SSX2IP: variants seen among roughly 807,000 people sequenced by gnomAD.
SSX2IP encodes afadin- and alpha-actinin-binding protein.
In SSX2IP, 55 loss-of-function variants were observed where a neutral mutation model predicts 84.9. That is an observed-to-expected ratio of 0.65 (90% CI 0.52 to 0.81). SSX2IP has a LOEUF of 0.81. SSX2IP is among the 30% of genes least tolerant of loss of function. The probability of loss-of-function intolerance (pLI) is 0.00; values close to 1 mark genes in which losing one functional copy is unlikely to be tolerated. For synonymous variants in SSX2IP, 239 were observed against 234.7 expected (o/e 1.02, Z -0.17); for missense variants, 664 against 705.2 (o/e 0.94, Z 0.66).
intron 11 of SSX2IP, chr1:84,655,209 C>T (rs1650900707): frequency 2.1e-6 from 1 of 483,230 alleles, no homozygotes; most frequent in East Asian, 1.3e-4. Context: ...GAATTTCCAA[C>T]AGATACTTTT....
intron 8 of SSX2IP, among the ~76,000 whole-genome samples, chr1:84,660,575 G>A (rs1395230539): frequency 6.6e-6 from 1 of 152,150 alleles, no homozygotes; most frequent in Non-Finnish European, 1.5e-5. Context: ...AGACCAGCCT[G>A]ACCAACATGG....
Position 84,669,903 on chromosome 1 carries a change from G to A in SSX2IP, c.214-10C>T, listed in dbSNP as rs566846800. 1.9e-5 allele frequency: 31 copies of A among 1,606,938 alleles called. No individual in the cohort carries two copies. The African/African-American group carries it at 2.5e-4, about 13-fold the overall frequency. On this transcript the variant is annotated splice_polypyrimidine_tract_variant and intron_variant, in intron 3 of 13. Coordinates refer to ENST00000342203, the MANE Select transcript of SSX2IP (RefSeq NM_001166293.2). ...CAAAAGTAGTCAATTCCTGGTAGGAGAAAATGTTTTCTTAAAGTTGGTTAC... is the reference window on the plus strand; with the variant it reads ...CAAAAGTAGTCAATTCCTGGTAGGAAAAAATGTTTTCTTAAAGTTGGTTAC...
chr1:84,674,632 T>G (rs1450522760), intron 1 of SSX2IP, among the ~76,000 whole-genome samples: 1 of 152,202 alleles, frequency 6.6e-6, no homozygotes, highest in African/African-American at 2.4e-5. Context: ...TTTAAAACTG[T>G]AAGTCAGTTA....
chr1:84,650,614 G>A (rs1650087141), intron 12 of SSX2IP, 87 bp from the exon 13 acceptor site: 1 of 1,396,572 alleles, frequency 7.2e-7, no homozygotes. Flanking sequence ...TGATTCATCT[G>A]CGGTTCTGAG....
At position 84,647,425 on chromosome 1, in the gene SSX2IP, C is replaced by A; in HGVS notation, c.*8G>T. ...ACACATTAATGAAAAAAATTCCAGT[C>A]CACATGTCTAAGGTAAGTCATCTTT... On this transcript the variant is annotated 3_prime_UTR_variant, in exon 14 of 14. Coordinates refer to ENST00000342203, the MANE Select transcript of SSX2IP (RefSeq NM_001166293.2). 1 of 1,564,546 alleles carries A rather than the reference C, an allele frequency of 6.4e-7. No individual in the cohort carries two copies. Among genetic ancestry groups the A allele is most frequent in the Non-Finnish European group, 8.7e-7 (1 of 1,154,770 alleles).
intron 13 of SSX2IP, among the ~76,000 whole-genome samples, chr1:84,648,609 A>G (rs1649779357): frequency 6.6e-6 from 1 of 152,210 alleles, no homozygotes; most frequent in Non-Finnish European, 1.5e-5. Context: ...CTAAATATTT[A>G]AAATATATAA....
chr1:84,685,052 C>G (rs1007705556), intron 1 of SSX2IP, among the ~76,000 whole-genome samples: 1 of 152,134 alleles, frequency 6.6e-6, no homozygotes, highest in Admixed American at 6.5e-5. Context: ...ACCAATTAAA[C>G]AAACGTGTCA....
At chr1:84,655,565 A>G (rs1375257725) in intron 11 of SSX2IP, 1 of 1,405,956 alleles carries the variant, frequency 7.1e-7, no homozygotes, top group Non-Finnish European at 9.4e-7. Flanking sequence ...TCTTGTGTAA[A>G]ACACTTAGCA....
Position 84,658,983 on chromosome 1 carries a change from T to G in SSX2IP, c.928-515A>C, listed in dbSNP as rs185096204. ...TTTTATATAACGGGAGATACTTTTC[T>G]TTGTATTCTGCCAAACATGAAATCA... is the stretch of plus-strand genomic sequence containing the variant. On this transcript the variant is annotated intron_variant, in intron 8 of 13. Transcript: ENST00000342203. 7.6e-3 allele frequency among the ~76,000 whole-genome samples: 502 copies of G among 66,144 alleles called. 7 individuals carry two copies. Among genetic ancestry groups the G allele is most frequent in the Non-Finnish European group, 0.013 (314 of 24,878 alleles). The allele number at this position is 66,144 out of a possible 152,430, so 43.4% of individuals were successfully genotyped here.
At chr1:84,668,721 C>T (rs1653098639) in intron 4 of SSX2IP, among the ~76,000 whole-genome samples, 1 of 152,064 alleles carries the variant, frequency 6.6e-6, no homozygotes, top group South Asian at 2.1e-4. Flanking sequence ...ATTATTCCCT[C>T]ACAGAGCTCA....
At chr1:84,649,459 TCTC>T (rs1050139309) in intron 13 of SSX2IP, among the ~76,000 whole-genome samples, 4 of 152,174 alleles carry the variant, frequency 2.6e-5, no homozygotes, top group African/African-American at 9.7e-5. Flanking sequence ...TATAGTGTGT[TCTC>T]CTCCTTCTTT....
At chr1:84,661,211 A>C (rs899856073) in intron 8 of SSX2IP, among the ~76,000 whole-genome samples, 7 of 152,268 alleles carry the variant, frequency 4.6e-5, no homozygotes, top group African/African-American at 1.7e-4. Context: ...GGTTTAAAAA[A>C]CAAGTTCTGG....
intron 1 of SSX2IP, among the ~76,000 whole-genome samples, chr1:84,676,214 C>T (rs10874456): frequency 0.92 from 139,172 of 151,934 alleles, 64,039 homozygotes; most frequent in East Asian, 1. Flanking sequence ...GGGAACAAAC[C>T]TGAAATACAT....
intron 7 of SSX2IP, 34 bp downstream of exon 7, chr1:84,662,421 C>CCT: frequency 6.2e-7 from 1 of 1,611,266 alleles, no homozygotes; most frequent in Non-Finnish European, 8.5e-7. Context: ...AGAAGGAAGT[C>CCT]TGATTACATT....
At chr1:84,662,097 T>G in intron 8 of SSX2IP, 101 bp downstream of exon 8, 1 of 755,116 alleles carries the variant, frequency 1.3e-6, no homozygotes, top group Non-Finnish European at 2.1e-6. Context: ...AGTGTCCTAT[T>G]CAAAATACCA....
chr1:84,665,989 C>T (rs561043140), intron 5 of SSX2IP, 133 bp downstream of exon 5: 36 of 667,706 alleles, frequency 5.4e-5, no homozygotes, highest in African/African-American at 5.0e-4. Context: ...CACAAAGGTC[C>T]ACCATATCAA....
chr1:84,670,342 C>T, intron 3 of SSX2IP: 1 of 197,660 alleles, frequency 5.1e-6, no homozygotes, highest in Non-Finnish European at 1.0e-5. Flanking sequence ...GGACGGGGCT[C>T]TTTTAGTCTC....
At chr1:84,649,611 G>A (rs1356527688) in intron 13 of SSX2IP, 4 of 175,016 alleles carry the variant, frequency 2.3e-5, no homozygotes, top group Non-Finnish European at 3.6e-5. Flanking sequence ...GTTTTCCAAG[G>A]CCATTATCTC....
chr1:84,664,356 T>C, intron 6 of SSX2IP, 61 bp downstream of exon 6: 1 of 1,397,112 alleles, frequency 7.2e-7, no homozygotes, highest in Non-Finnish European at 9.4e-7. Flanking sequence ...CCTTTTACAA[T>C]TATTTCTAAG....
Sources: gnomAD v4.1 joint callset for allele counts (sites outside exome capture counted in the v4.1 genomes callset) on GRCh38, gnomAD v4.1.1 for gene constraint, MANE v1.5 for transcripts, NCBI Gene and HGNC (gene_info 2026-07-23, HGNC 2026-07-21) for gene names.